PALM2AKAP2: variants seen among roughly 807,000 people sequenced by gnomAD.
The protein encoded by PALM2AKAP2 is PALM2 and AKAP2 fusion, also known as PALM2-AKAP2 fusion protein.
PALM2AKAP2 carries 37 observed loss-of-function variants against 71.5 expected under a neutral mutation model. The observed-to-expected ratio is 0.52, with a 90% confidence interval of 0.40 to 0.68. The LOEUF (loss-of-function observed/expected upper bound fraction) is 0.68. Ranked by LOEUF, PALM2AKAP2 falls within the 30% of genes least tolerant of loss-of-function variation. The pLI is 0.00. For synonymous variants in PALM2AKAP2, 468 were observed against 478.8 expected (o/e 0.98, Z 0.29); for missense variants, 1,224 against 1,191.8 (o/e 1.03, Z -0.40).
exon 4 of PALM2AKAP2, chr9:110,171,810 A>T (rs1458088353): frequency 6.6e-6 from 1 of 152,622 alleles, no homozygotes; most frequent in African/African-American, 2.4e-5. Context: ...TTCTGGAAGT[A>T]TTGCATTCTG....
At chr9:109,709,959 G>A (rs1014553389) in intron 1 of PALM2AKAP2, among the ~76,000 whole-genome samples, 2 of 152,142 alleles carry the variant, frequency 1.3e-5, no homozygotes, top group African/African-American at 2.4e-5. Flanking sequence ...TGAGATCATC[G>A]TGGATTACCC....
intron 3 of PALM2AKAP2, among the ~76,000 whole-genome samples, chr9:109,891,478 C>T (rs1189274742): frequency 6.6e-6 from 1 of 151,768 alleles, no homozygotes; most frequent in Admixed American, 6.6e-5. Flanking sequence ...ACATGTCACT[C>T]ATCATTTTGT....
chr9:109,712,757 G>A (rs1188808353), intron 1 of PALM2AKAP2, among the ~76,000 whole-genome samples: 1 of 152,170 alleles, frequency 6.6e-6, no homozygotes, highest in Admixed American at 6.5e-5. Flanking sequence ...ACATTTGGGA[G>A]CCCTCTGTGG....
At chr9:109,988,579 GA>G (rs1395111213) in intron 6 of PALM2AKAP2, among the ~76,000 whole-genome samples, 4 of 70,258 alleles carry the variant, frequency 5.7e-5, no homozygotes, top group African/African-American at 1.4e-4. Flanking sequence ...AGGAAGGAAG[GA>G]AAAAAGGAAG....
At position 110,056,226 on chromosome 9, in the gene PALM2AKAP2, C is replaced by T. The variant is rs971457751; in HGVS notation, c.156+7371C>T. Among the ~76,000 whole-genome samples, 7 of 152,316 alleles carry T rather than the reference C, an allele frequency of 4.6e-5. No individual in the cohort carries two copies. In the South Asian group the frequency reaches 1.0e-3, roughly 23 times the overall value. On this transcript the variant is annotated intron_variant, in intron 1 of 3. Coordinates refer to ENST00000374525, the Ensembl canonical transcript of PALM2AKAP2. Reference sequence around the variant, plus strand: ...ATTTTCCTGGCAGTGGTTAACTGACCGTTTTCAGCCCGCCTCCCAGTGCAG... The same window carrying T: ...ATTTTCCTGGCAGTGGTTAACTGACTGTTTTCAGCCCGCCTCCCAGTGCAG...
chr9:110,136,944 G>T lies in PALM2AKAP2; in HGVS notation c.974G>T (p.Gly325Val), dbSNP rs751565304. 3.7e-6 allele frequency: 6 copies of T among 1,614,138 alleles called. No individual in the cohort carries two copies. In the Admixed American group the frequency reaches 5.0e-5, roughly 13 times the overall value. ...AGCCAGGCCGTCAAGAAGAATCCTG[G>T]CATTGCAGCAAAATGGTGGAATCCC... Residue 325 changes from glycine to valine, a missense_variant, in exon 2 of 4, where the codon GGC (glycine) becomes GTC (valine). Transcript: ENST00000374525.
intron 1 of PALM2AKAP2, among the ~76,000 whole-genome samples, chr9:109,765,049 C>G (rs1304249630): frequency 6.6e-6 from 1 of 152,224 alleles, no homozygotes; most frequent in Non-Finnish European, 1.5e-5. Context: ...CATTATAGCT[C>G]TGATTCTTTT....
At chr9:110,108,120 T>C (rs1179494554) in intron 1 of PALM2AKAP2, among the ~76,000 whole-genome samples, 1 of 146,354 alleles carries the variant, frequency 6.8e-6, no homozygotes, top group South Asian at 2.1e-4. Flanking sequence ...CTTTTTTTCT[T>C]TTTTTTTTTT....
intron 1 of PALM2AKAP2, among the ~76,000 whole-genome samples, chr9:110,055,572 T>A (rs1040140662): frequency 6.6e-6 from 1 of 152,132 alleles, no homozygotes. Context: ...CCTAATCACC[T>A]CCCAGAGGAC....
chr9:109,897,350 G>A (rs1830225180), intron 3 of PALM2AKAP2, among the ~76,000 whole-genome samples: 2 of 152,180 alleles, frequency 1.3e-5, no homozygotes. Context: ...GGGAGGCTGA[G>A]GCAGGTGGAT....
intron 6 of PALM2AKAP2, among the ~76,000 whole-genome samples, chr9:110,015,390 G>C (rs894199152): frequency 1.3e-5 from 2 of 152,192 alleles, no homozygotes; most frequent in African/African-American, 4.8e-5. Context: ...CCGGAGGTCA[G>C]GAGTTCGAGA....
intron 3 of PALM2AKAP2, among the ~76,000 whole-genome samples, chr9:109,899,858 C>G (rs1830290445): frequency 6.6e-6 from 1 of 152,172 alleles, no homozygotes; most frequent in African/African-American, 2.4e-5. Flanking sequence ...AGCCCTAAAC[C>G]CTGGTTTAAT....
intron 1 of PALM2AKAP2, among the ~76,000 whole-genome samples, chr9:109,766,818 C>T (rs150879651): frequency 1.3e-5 from 2 of 152,250 alleles, no homozygotes; most frequent in East Asian, 3.9e-4. Context: ...TCAGTTTACC[C>T]AGGATAAAAT....
At chr9:109,870,397 G>A (rs1018372166) in intron 2 of PALM2AKAP2, among the ~76,000 whole-genome samples, 2 of 152,136 alleles carry the variant, frequency 1.3e-5, no homozygotes, top group Non-Finnish European at 1.5e-5. Context: ...AAGTACATTC[G>A]TGGAGGTTAT....
At chr9:109,906,387 C>T (rs1830446063) in intron 3 of PALM2AKAP2, among the ~76,000 whole-genome samples, 4 of 152,092 alleles carry the variant, frequency 2.6e-5, no homozygotes, top group South Asian at 2.1e-4. Flanking sequence ...TCCGTAGAGA[C>T]GGGGTTTCAT....
upstream of PALM2AKAP2, among the ~76,000 whole-genome samples, chr9:109,777,538 T>C (rs1404201204): frequency 6.6e-6 from 1 of 152,250 alleles, no homozygotes; most frequent in Non-Finnish European, 1.5e-5. Flanking sequence ...TTTGTACTCA[T>C]GGTTGCTTCT....
intron 1 of PALM2AKAP2, among the ~76,000 whole-genome samples, chr9:110,100,060 T>TATATATATAC (rs1834957676): frequency 7.5e-6 from 1 of 133,654 alleles, no homozygotes; most frequent in African/African-American, 3.3e-5. Flanking sequence ...TCTATATATA[T>TATATATATAC]ATATATATAT....
intron 1 of PALM2AKAP2, among the ~76,000 whole-genome samples, chr9:109,680,298 A>G (rs937034334): frequency 1.3e-5 from 2 of 152,208 alleles, no homozygotes; most frequent in Non-Finnish European, 2.9e-5. Flanking sequence ...AGATGGGTCC[A>G]TTTTATCTCA....
chr9:110,074,321 A>C (rs79790194), intron 1 of PALM2AKAP2, among the ~76,000 whole-genome samples: 8,747 of 152,230 alleles, frequency 0.057, 345 homozygotes, highest in Non-Finnish European at 0.089. Flanking sequence ...AGCCCATCTC[A>C]AATAAATAAG....
Sources: allele counts gnomAD v4.1 joint callset (sites outside exome capture counted in the v4.1 genomes callset), GRCh38; gene constraint gnomAD v4.1.1; transcripts MANE v1.5; gene names NCBI Gene and HGNC (gene_info 2026-07-23, HGNC 2026-07-21).